ZNF214: variants seen among roughly 807,000 people sequenced by gnomAD.
The protein encoded by ZNF214 is zinc finger protein 214.
In ZNF214, 43 loss-of-function variants were observed where a neutral mutation model predicts 53.9. That is an observed-to-expected ratio of 0.80 (90% CI 0.63 to 1.03). The LOEUF is 1.03. ZNF214 is among the 50% of genes least tolerant of loss of function. The pLI is 0.00. For synonymous variants in ZNF214, 217 were observed against 229.5 expected, an observed-to-expected ratio of 0.95 and a Z score of 0.49; for missense variants, 724 against 719.1, an observed-to-expected ratio of 1.01 and a Z score of -0.08.
intron 1 of ZNF214, among the ~76,000 whole-genome samples, chr11:7,004,285 A>G (rs1426209198): frequency 6.6e-6 from 1 of 152,120 alleles, no homozygotes; most frequent in East Asian, 1.9e-4. Flanking sequence ...ACTGTGTTCT[A>G]ACCTTCTTCC....
At chr11:7,003,072 C>T (rs1167572368) in intron 1 of ZNF214, among the ~76,000 whole-genome samples, 2 of 151,900 alleles carry the variant, frequency 1.3e-5, no homozygotes, top group Non-Finnish European at 2.9e-5. Context: ...CAGCACTTGT[C>T]TACTAAGTTT....
At chr11:7,003,652 T>C (rs1390009836) in intron 1 of ZNF214, among the ~76,000 whole-genome samples, 1 of 151,980 alleles carries the variant, frequency 6.6e-6, no homozygotes, top group African/African-American at 2.4e-5. Flanking sequence ...TTAAAAATGT[T>C]TGATGAAGGG....
intron 1 of ZNF214, among the ~76,000 whole-genome samples, chr11:7,013,566 T>C (rs1006692959): frequency 3.3e-5 from 5 of 152,204 alleles, no homozygotes; most frequent in Admixed American, 6.5e-5. Context: ...CACCTGTTTC[T>C]CTGTTGGATT....
chr11:7,001,617 A>G (rs1851356719), intron 2 of ZNF214, 62 bp from the exon 3 acceptor site: 8 of 1,504,028 alleles, frequency 5.3e-6, no homozygotes, highest in Non-Finnish European at 5.3e-6. Flanking sequence ...ATTTCCAACT[A>G]TCTAAATCAA....
chr11:7,015,122 C>T (rs1447684909), intron 1 of ZNF214, among the ~76,000 whole-genome samples: 4 of 143,686 alleles, frequency 2.8e-5, no homozygotes, highest in African/African-American at 2.6e-5. Context: ...GACAGAGTCT[C>T]GCTCTGTTGC....
Position 6,997,404 on chromosome 11 carries a change from G to T in ZNF214, c.*2458C>A, listed in dbSNP as rs531493534. 1.3e-5 allele frequency among the ~76,000 whole-genome samples: 2 copies of T among 151,824 alleles called. No individual in the cohort carries two copies. The highest frequency in any genetic ancestry group is 4.8e-5 in the African/African-American group (2 of 41,478). ...CATTTTAAAATGAAGCATTGAACGT[G>T]TTTTGATACATTTGGCTTTAATCAT... On this transcript the variant is annotated 3_prime_UTR_variant, in exon 3 of 3. Transcript: ENST00000278314.
In ZNF214 at chr11:7,000,357, A is replaced by G. The variant is rs1851300926; in HGVS notation, c.1326T>C (p.Tyr442=). The change falls in exon 3 of 3, where the codon TAT becomes TAC. Residue 442 remains tyrosine (Y), a synonymous_variant. Coordinates refer to ENST00000278314, the MANE Select transcript of ZNF214 (RefSeq NM_013249.4). ...AGTCCTTTCCACAGTCATCACATTTATAAGGTTTCTCTCCTGTATGCACTC... is the reference window on the plus strand; with the variant it reads ...AGTCCTTTCCACAGTCATCACATTTGTAAGGTTTCTCTCCTGTATGCACTC... ...HQRVHTGEKP[Y]KCDDCGKDFS... The G allele has an allele frequency of 6.2e-7, 1 of 1,613,370 alleles. No individual in the cohort carries two copies. Among genetic ancestry groups the G allele is most frequent in the Non-Finnish European group, 8.5e-7 (1 of 1,179,576 alleles).
At chr11:7,007,862 C>A (rs1851509831) in intron 1 of ZNF214, among the ~76,000 whole-genome samples, 1 of 97,844 alleles carries the variant, frequency 1.0e-5, no homozygotes, top group East Asian at 4.3e-4. Context: ...ATGTATTAGT[C>A]CATAAAAGAA....
chr11:7,001,459 G>T lies in ZNF214; in HGVS notation c.224C>A (p.Ala75Asp). Residue 75 changes from alanine (A) to aspartate (D), a missense_variant, in exon 3 of 3, where the codon GCC (alanine) becomes GAC (aspartate). Physicochemically the swap from Ala to Asp is moderately radical, Grantham distance 126. Transcript: ENST00000278314. Reference sequence around the variant, plus strand: ...ATAGTTCTGATTCTCATACATCTGGGCGCCAGCATTCCACCAGCCTTGCCA... The same window carrying T: ...ATAGTTCTGATTCTCATACATCTGGTCGCCAGCATTCCACCAGCCTTGCCA... Reference protein sequence around the residue: ...SYWQGWWNAGAQMYENQNYGE... With the variant: ...SYWQGWWNAGDQMYENQNYGE... 1 of 1,613,012 alleles carries T rather than the reference G, an allele frequency of 6.2e-7. No homozygotes were observed. Among genetic ancestry groups the T allele is most frequent in the Non-Finnish European group, 8.5e-7 (1 of 1,179,284 alleles).
intron 1 of ZNF214, among the ~76,000 whole-genome samples, chr11:7,014,808 A>G (rs1160478763): frequency 6.8e-6 from 1 of 146,604 alleles, no homozygotes; most frequent in Non-Finnish European, 1.5e-5. Context: ...CTCTAACAAA[A>G]AAAAAAAAAA....
intron 1 of ZNF214, among the ~76,000 whole-genome samples, chr11:7,010,368 T>C (rs952284071): frequency 6.6e-5 from 10 of 151,824 alleles, no homozygotes; most frequent in African/African-American, 1.9e-4. Context: ...GAGCTAAATA[T>C]TGAGAACACA....
rs76532520 is a variant in ZNF214, at chr11:7,020,107, A to G, written c.-55T>C. 948 of 151,294 alleles carry G rather than the reference A, an allele frequency of 6.3e-3. 9 individuals carry two copies. Among genetic ancestry groups the G allele is most frequent in the Non-Finnish European group, 8.3e-3 (564 of 67,788 alleles). 9.4% of individuals were successfully genotyped at this position (151,294 alleles called of 1,614,324 possible). On this transcript the variant is annotated 5_prime_UTR_variant, in exon 1 of 3. Coordinates refer to ENST00000278314, the MANE Select transcript of ZNF214 (RefSeq NM_013249.4). ...GTCTTAACGTGGGAGAGAAGCCGTGATGTACCCATCTACACGGGTGTCTCT... is the reference window on the plus strand; with the variant it reads ...GTCTTAACGTGGGAGAGAAGCCGTGGTGTACCCATCTACACGGGTGTCTCT...
rs1244959734 is a variant in ZNF214 at position 7,001,228 on chromosome 11, C to A, written c.455G>T (p.Arg152Ile). 6.2e-6 allele frequency: 10 copies of A among 1,613,120 alleles called. No individual in the cohort carries two copies. The highest frequency in any genetic ancestry group is 8.5e-6 in the Non-Finnish European group (10 of 1,179,524). The change falls in exon 3 of 3, where the codon AGA becomes ATA. Residue 152 changes from arginine (R) to isoleucine (I), a missense_variant. Arg to Ile is a moderately conservative substitution (Grantham distance 97). Transcript: ENST00000278314. The part of the protein sequence containing the change: ...LETKTTQDYG[R>I]EIYMSGSHGF... ...ATGTGAACCACTCATGTAGATTTCT[C>A]TACCATAGTCTTGAGTGGTTTTTGT...
At chr11:7,004,018 TG>T (rs1851419498) in intron 1 of ZNF214, among the ~76,000 whole-genome samples, 1 of 151,818 alleles carries the variant, frequency 6.6e-6, no homozygotes, top group South Asian at 2.1e-4. Context: ...AGTTGGTATC[TG>T]GAAAATAAAT....
chr11:7,002,465 A>G (rs1271772317), intron 2 of ZNF214, among the ~76,000 whole-genome samples: 1 of 152,018 alleles, frequency 6.6e-6, no homozygotes, highest in African/African-American at 2.4e-5. Context: ...ACATATGGAG[A>G]TATGTGTTTT....
At chr11:7,009,109 AG>A (rs1564997203) in intron 1 of ZNF214, among the ~76,000 whole-genome samples, 2 of 152,206 alleles carry the variant, frequency 1.3e-5, no homozygotes, top group African/African-American at 4.8e-5. Flanking sequence ...ACCAAAAAGG[AG>A]CCCAAATAGC....
chr11:7,001,737 T>C (rs1290811514), intron 2 of ZNF214, among the ~76,000 whole-genome samples, 182 bp from the exon 3 acceptor site: 2 of 152,016 alleles, frequency 1.3e-5, no homozygotes, highest in African/African-American at 4.8e-5. Flanking sequence ...CATTCATGTA[T>C]GTATTCATTC....
In ZNF214 at chr11:6,997,584, G is replaced by GT. The variant is rs1278369032; in HGVS notation, c.*2277dup. The stretch of plus-strand genomic sequence containing the variant: ...TTTATTAAGTTGTAATTTTAGGTTT[G>GT]TAAAAAAAAAAAAAAAAGGCCTTTC... On this transcript the variant is annotated 3_prime_UTR_variant, in exon 3 of 3. Transcript: ENST00000278314. Among the ~76,000 whole-genome samples, 3 of 117,688 alleles carry GT rather than the reference G, an allele frequency of 2.5e-5. No individual in the cohort carries two copies. The highest frequency in any genetic ancestry group is 1.1e-4 in the African/African-American group (3 of 27,730). The allele number at this position is 117,688 out of a possible 152,430, so 77.2% of individuals were successfully genotyped here.
rs1407054624 is a variant in ZNF214 at position 7,020,144 on chromosome 11, A to G, written c.-92T>C. On this transcript the variant is annotated 5_prime_UTR_variant, in exon 1 of 3. Coordinates refer to ENST00000278314, the MANE Select transcript of ZNF214 (RefSeq NM_013249.4). The stretch of plus-strand genomic sequence containing the variant: ...ACACGGGTGTCTCTGGGGTTTCTAA[A>G]CCGGAGTAGCTTCTCAGTCCCTGAC... The G allele has an allele frequency of 6.6e-6, 1 of 152,198 alleles. No homozygotes were observed. Among genetic ancestry groups the G allele is most frequent in the Non-Finnish European group, 1.5e-5 (1 of 68,290 alleles). 9.4% of individuals were successfully genotyped at this position (152,198 alleles called of 1,614,324 possible).
Sources: gnomAD v4.1 joint callset for allele counts (sites outside exome capture counted in the v4.1 genomes callset) on GRCh38, gnomAD v4.1.1 for gene constraint, MANE v1.5 for transcripts, NCBI Gene and HGNC (gene_info 2026-07-23, HGNC 2026-07-21) for gene names.